Variants in IK observed in about 807,000 individuals in gnomAD.
IK encodes the protein IK cytokine.
Under a neutral mutation model 90.9 loss-of-function variants are expected in IK, and 47 were observed. The ratio of observed to expected loss-of-function variants is 0.52; its 90% CI spans 0.41 to 0.66. IK has a LOEUF of 0.66. Among genes scored for constraint, IK ranks in the 30% least tolerant of loss-of-function variants. The pLI, the probability that IK is intolerant of heterozygous loss-of-function variation, is 0.00. For synonymous variants in IK, 201 were observed against 227.5 expected, an observed-to-expected ratio of 0.88 and a Z score of 1.05; for missense variants, 385 against 709.3, an observed-to-expected ratio of 0.54 and a Z score of 5.19.
chr5:140,653,428 A>G (rs536895873), intron 5 of IK, among the ~76,000 whole-genome samples: 124 of 151,252 alleles, frequency 8.2e-4, no homozygotes, highest in African/African-American at 2.7e-3. Flanking sequence ...CTGGGACTAC[A>G]GGCGCCCGCC....
intron 13 of IK, 132 bp from the exon 14 acceptor site, chr5:140,659,624 T>G: frequency 1.5e-6 from 1 of 682,478 alleles, no homozygotes; most frequent in South Asian, 1.8e-5. Context: ...AGTGACTCAT[T>G]AATTGGAGTT....
At chr5:140,660,303 T>TC in intron 15 of IK, 108 bp downstream of exon 15, 1 of 659,772 alleles carries the variant, frequency 1.5e-6, no homozygotes, top group East Asian at 2.8e-5. Context: ...TTTTTTTTTT[T>TC]TTTTTTTTTT....
rs112540800 is a variant in IK, at chr5:140,648,498, C to T, written c.44C>T (p.Pro15Leu). ...DSEPFSNPLA[P>L]DGHDVDDPHS... ...GAGCCGTTCTCCAACCCTTTGGCCC[C>T]CGATGGCCACGATGTGGATGATCCT... The change falls in exon 2 of 20, where the codon CCC becomes CTC. Residue 15 changes from proline (P) to leucine (L), a missense_variant. Physicochemically the swap from Pro to Leu is moderately conservative, Grantham distance 98. Transcript: ENST00000417647. 1 of 1,614,034 alleles carries T rather than the reference C, an allele frequency of 6.2e-7. No individual in the cohort carries two copies. The highest frequency in any genetic ancestry group is 1.1e-5 in the South Asian group (1 of 91,090).
intron 18 of IK, 55 bp downstream of exon 18, chr5:140,662,062 C>T (rs1315907478): frequency 7.6e-6 from 12 of 1,569,042 alleles, no homozygotes; most frequent in Admixed American, 3.7e-5. Flanking sequence ...AGACATTAGC[C>T]TGCAGATTCA....
chr5:140,657,535 T>C lies in IK; in HGVS notation c.802-19T>C, dbSNP rs754983526. 1.3e-6 allele frequency: 2 copies of C among 1,536,254 alleles called. No homozygotes were observed. The highest frequency in any genetic ancestry group is 1.8e-6 in the Non-Finnish European group (2 of 1,125,270). On this transcript the variant is annotated intron_variant, in intron 9 of 19. Transcript: ENST00000417647. ...TTTCTGCTGAGTGGTTTAACATTCT[T>C]GTTTCTTGGTATTTTCAGGCCCAGA...
rs750508668 is a variant in IK, at chr5:140,659,054, C to T, written c.1066C>T (p.Arg356Ter). The change falls in exon 12 of 20, where the codon CGA becomes TGA. Residue 356 changes from arginine (R) to a stop codon, truncating the protein, a stop_gained. Transcript: ENST00000417647. LOFTEE classifies it high-confidence loss of function. ...TCGGGAAAGAGACAGAGACCGTGAC[C>T]GAGAGCGAGAGCGAGAACGAGATCG... ...RDRERDRDRDRERERERDRER... is the reference protein window; with the variant it reads ...RDRERDRDRD The T allele has an allele frequency of 2.5e-6, 4 of 1,610,574 alleles. No homozygotes were observed. Among genetic ancestry groups the T allele is most frequent in the South Asian group, 1.1e-5 (1 of 90,996 alleles).
At chr5:140,656,066 T>A in intron 9 of IK, 74 bp downstream of exon 9, 2 of 1,410,046 alleles carry the variant, frequency 1.4e-6, no homozygotes, top group Non-Finnish European at 1.9e-6. Flanking sequence ...CTGCCCCGTG[T>A]CCCTTGTCCA....
intron 15 of IK, 94 bp downstream of exon 15, chr5:140,660,289 C>CTTCTTTTTTTTTT (rs1757781141): frequency 3.6e-6 from 1 of 280,350 alleles, no homozygotes; most frequent in African/African-American, 6.2e-5. Context: ...CCCAGGGCTA[C>CTTCTTTTTTTTTT]TTCTTTTTTT....
intron 6 of IK, 89 bp downstream of exon 6, chr5:140,654,141 A>G: frequency 1.3e-6 from 1 of 761,532 alleles, no homozygotes; most frequent in Non-Finnish European, 2.3e-6. Flanking sequence ...GATTCCTGAG[A>G]GTTCAGACTG....
At chr5:140,649,473 C>T (rs1757576387) in intron 2 of IK, among the ~76,000 whole-genome samples, 1 of 152,022 alleles carries the variant, frequency 6.6e-6, no homozygotes. Flanking sequence ...CCTCAGCCTC[C>T]TAAAGTGCTG....
intron 14 of IK, 72 bp from the exon 15 acceptor site, chr5:140,660,043 T>C: frequency 7.4e-7 from 1 of 1,354,366 alleles, no homozygotes; most frequent in South Asian, 1.2e-5. Context: ...TTCTAGCCCT[T>C]GGCCCCCTCC....
chr5:140,648,745 T>G (rs1224541507), intron 2 of IK: 3 of 551,620 alleles, frequency 5.4e-6, no homozygotes, highest in South Asian at 2.4e-5. Context: ...TGTTAAGTTT[T>G]TTTTTTTTTT....
chr5:140,656,740 G>A (rs929603092), intron 9 of IK, among the ~76,000 whole-genome samples: 11 of 152,080 alleles, frequency 7.2e-5, no homozygotes, highest in African/African-American at 2.2e-4. Context: ...TATCCATCCC[G>A]TTAAACATTT....
chr5:140,655,619 A>G (rs1027475188), intron 8 of IK, among the ~76,000 whole-genome samples: 1 of 152,236 alleles, frequency 6.6e-6, no homozygotes, highest in Non-Finnish European at 1.5e-5. Context: ...TACTTAGTAG[A>G]TACATGACTT....
chr5:140,657,580 C>T lies in IK; in HGVS notation c.828C>T (p.Asp276=). ...MEAQTTLTTN[D]IVISKLTQIL... Reference sequence around the variant, plus strand: ...CCCAGACCACACTGACCACAAATGACATTGTCATTAGCAAGCTGACCCAGA... The same window carrying T: ...CCCAGACCACACTGACCACAAATGATATTGTCATTAGCAAGCTGACCCAGA... The change falls in exon 10 of 20, where the codon GAC becomes GAT. Residue 276 remains aspartate (D), a synonymous_variant. Transcript: ENST00000417647. 6.2e-7 allele frequency: 1 copy of T among 1,613,086 alleles called. No homozygotes were observed. Among genetic ancestry groups the T allele is most frequent in the Non-Finnish European group, 8.5e-7 (1 of 1,179,572 alleles).
Position 140,661,818 on chromosome 5 carries a change from T to TA in IK, c.1503-81_1503-80insA. On this transcript the variant is annotated intron_variant, in intron 17 of 19. Coordinates refer to ENST00000417647, the MANE Select transcript of IK (RefSeq NM_006083.4). This position sits in a 1 kb window ranked among gnomAD's most constrained non-coding sequence, Gnocchi z 4.2. ...TCTGGCTGAGATGTTCCCCACTAAG[T>TA]TCTTTGCCCACAGGACTCTGGGAAA... The TA allele has an allele frequency of 7.0e-7, 1 of 1,432,482 alleles. No homozygotes were observed. Among genetic ancestry groups the TA allele is most frequent in the South Asian group, 1.2e-5 (1 of 81,954 alleles). The allele number at this position is 1,432,482 out of a possible 1,614,324, so 88.7% of individuals were successfully genotyped here.
intron 14 of IK, 72 bp downstream of exon 14, chr5:140,659,906 T>C: frequency 9.2e-7 from 1 of 1,090,078 alleles, no homozygotes; most frequent in Non-Finnish European, 1.4e-6. Context: ...CCTGCCTCCC[T>C]GCTCCCTCCT....
At chr5:140,654,455 G>A (rs1757671837) in intron 6 of IK, 61 bp from the exon 7 acceptor site, 1 of 1,224,702 alleles carries the variant, frequency 8.2e-7, no homozygotes, top group Non-Finnish European at 1.2e-6. Flanking sequence ...ACAGTGTGGT[G>A]TAGTGGATGT....
intron 2 of IK, 85 bp from the exon 3 acceptor site, chr5:140,651,629 C>T: frequency 1.4e-6 from 1 of 708,138 alleles, no homozygotes. Context: ...TCCCTGATTT[C>T]TGTTAATTTA....
Sources: allele counts gnomAD v4.1 joint callset (sites outside exome capture counted in the v4.1 genomes callset), GRCh38; gene constraint gnomAD v4.1.1; non-coding constraint Gnocchi (gnomAD v3.1); transcripts MANE v1.5; gene names NCBI Gene and HGNC (gene_info 2026-07-23, HGNC 2026-07-21).